C10orf90: variants seen among roughly 807,000 people sequenced by gnomAD.
C10orf90 encodes (E2-independent) E3 ubiquitin-conjugating enzyme FATS.
C10orf90 carries 56 observed loss-of-function variants against 62.5 expected under a neutral mutation model. The observed-to-expected ratio is 0.90, with a 90% CI of 0.72 to 1.12. The LOEUF (loss-of-function observed/expected upper bound fraction) is 1.12. Ranked by LOEUF, C10orf90 falls within the 50% of genes most tolerant of loss-of-function variation. The pLI, the probability that C10orf90 is intolerant of heterozygous loss-of-function variation, is 0.00. For synonymous variants in C10orf90, 386 were observed against 340.4 expected, an observed-to-expected ratio of 1.13 and a Z score of -1.47; for missense variants, 970 against 880.4, an observed-to-expected ratio of 1.10 and a Z score of -1.29.
At chr10:126,583,012 G>A (rs935963719) in intron 2 of C10orf90, among the ~76,000 whole-genome samples, 2 of 152,146 alleles carry the variant, frequency 1.3e-5, no homozygotes, top group Admixed American at 6.5e-5. Flanking sequence ...TTGTTGGGGG[G>A]TGGCTGTGCT....
intron 2 of C10orf90, among the ~76,000 whole-genome samples, chr10:126,594,504 T>G (rs1845045233): frequency 6.6e-6 from 1 of 152,204 alleles, no homozygotes; most frequent in Non-Finnish European, 1.5e-5. Flanking sequence ...ACCTCTGTTC[T>G]AGATGCTACA....
intron 2 of C10orf90, among the ~76,000 whole-genome samples, chr10:126,537,645 T>A (rs1360412136): frequency 6.6e-6 from 1 of 152,218 alleles, no homozygotes; most frequent in Non-Finnish European, 1.5e-5. Context: ...GACAGAAATA[T>A]ACTCTTTGCT....
At chr10:126,662,637 T>A (rs1446297623) in intron 1 of C10orf90, among the ~76,000 whole-genome samples, 1 of 152,156 alleles carries the variant, frequency 6.6e-6, no homozygotes, top group African/African-American at 2.4e-5. Context: ...TCCCCTTCCC[T>A]ATTTGCCTAT....
chr10:126,516,840 G>A (rs569503241), intron 2 of C10orf90, among the ~76,000 whole-genome samples: 1 of 143,472 alleles, frequency 7.0e-6, no homozygotes, highest in Non-Finnish European at 1.5e-5. Flanking sequence ...CACTAGGGAA[G>A]AATTCTCTTC....
intron 4 of C10orf90, among the ~76,000 whole-genome samples, chr10:126,468,617 G>T (rs113335377): frequency 0.016 from 2,474 of 152,254 alleles, 76 homozygotes; most frequent in African/African-American, 0.056. Context: ...GGCTGGTCTG[G>T]ATTTTCTGTT....
intron 4 of C10orf90, among the ~76,000 whole-genome samples, chr10:126,473,943 T>C (rs1860725786): frequency 6.6e-6 from 1 of 152,112 alleles, no homozygotes; most frequent in Admixed American, 6.5e-5. Context: ...ACCCACACGG[T>C]TAGGTTTCAT....
chr10:126,572,180 TAA>T (rs1844520183), intron 2 of C10orf90, among the ~76,000 whole-genome samples: 1 of 152,036 alleles, frequency 6.6e-6, no homozygotes, highest in Admixed American at 6.6e-5. Flanking sequence ...ACCTCCCTGA[TAA>T]AAGAGTTTGC....
intron 2 of C10orf90, among the ~76,000 whole-genome samples, chr10:126,645,588 TAAAA>T (rs779008025): frequency 1.1e-5 from 1 of 93,178 alleles, no homozygotes; most frequent in African/African-American, 4.0e-5. Flanking sequence ...AGACCCTGCC[TAAAA>T]AAAAAAAAAA....
chr10:126,586,168 G>C (rs1844866356), intron 2 of C10orf90, among the ~76,000 whole-genome samples: 1 of 152,204 alleles, frequency 6.6e-6, no homozygotes. Flanking sequence ...AGGGACAGTT[G>C]TGCTACTATA....
intron 3 of C10orf90, among the ~76,000 whole-genome samples, chr10:126,509,522 G>C (rs58527775): frequency 6.6e-6 from 1 of 152,156 alleles, no homozygotes; most frequent in African/African-American, 2.4e-5. Flanking sequence ...TTGAAATTTT[G>C]CTGATAGAAA....
rs535105521 is a variant in C10orf90 at position 126,440,182 on chromosome 10, T to C, written c.2189-10332A>G. On this transcript the variant is annotated intron_variant, in intron 7 of 9. Coordinates refer to ENST00000488181, the MANE Select transcript of C10orf90 (RefSeq NM_001350921.2). ...CAAGTTCTTAGCCCTGCTTGTCCAC[T>C]GCCTGGAAACAGACTTGGTGCTATT... 2.0e-5 allele frequency among the ~76,000 whole-genome samples: 3 copies of C among 152,310 alleles called. No homozygotes were observed. In the South Asian group the frequency reaches 6.2e-4, roughly 32 times the overall value.
chr10:126,630,457 G>A (rs1845830016), intron 2 of C10orf90, among the ~76,000 whole-genome samples: 1 of 152,168 alleles, frequency 6.6e-6, no homozygotes, highest in Non-Finnish European at 1.5e-5. Flanking sequence ...CCTGGGCTTG[G>A]CGATGGTGGG....
At chr10:126,432,988 G>A (rs188733105) in intron 7 of C10orf90, among the ~76,000 whole-genome samples, 1 of 152,282 alleles carries the variant, frequency 6.6e-6, no homozygotes, top group African/African-American at 2.4e-5. Context: ...TGACCACAGT[G>A]GCTCTTCAGA....
intron 2 of C10orf90, among the ~76,000 whole-genome samples, chr10:126,528,372 G>A (rs542740315): frequency 1.4e-4 from 22 of 152,268 alleles, no homozygotes; most frequent in South Asian, 4.2e-4. Context: ...AAGGAGAAGC[G>A]TGTGTGGGAA....
chr10:126,504,175 CT>C lies in C10orf90; in HGVS notation c.1315del (p.Ser439ValfsTer3), dbSNP rs1862569672. ...GQRWNPGLQE[S>X]HLKETPSLRR... ...CAACGATGGGGTTTCCTTCAAGTGA[CT>C]TTCTTGTAAACCTGGGTTCCAGCGC... On this transcript the variant is annotated frameshift_variant, in exon 4 of 10. Transcript: ENST00000488181. LOFTEE classifies it high-confidence loss of function. The surrounding 1 kb of genome is among the most constrained non-coding windows in gnomAD (Gnocchi z 4.1). 1.2e-6 allele frequency: 2 copies of C among 1,614,040 alleles called. No individual in the cohort carries two copies. Among genetic ancestry groups the C allele is most frequent in the Non-Finnish European group, 1.7e-6 (2 of 1,180,036 alleles).
chr10:126,459,275 C>T, intron 6 of C10orf90, 58 bp from the exon 7 acceptor site: 1 of 1,587,874 alleles, frequency 6.3e-7, no homozygotes, highest in Non-Finnish European at 8.6e-7. Flanking sequence ...AAAGGCAACG[C>T]ATCTGTCTGA....
At chr10:126,627,170 T>C (rs1204231055) in intron 2 of C10orf90, among the ~76,000 whole-genome samples, 1 of 151,916 alleles carries the variant, frequency 6.6e-6, no homozygotes, top group Non-Finnish European at 1.5e-5. Context: ...CGGCTAATTT[T>C]TTGTATTTTT....
At chr10:126,565,221 AT>A (rs1419228442) in intron 2 of C10orf90, among the ~76,000 whole-genome samples, 31 of 69,846 alleles carry the variant, frequency 4.4e-4, no homozygotes, top group African/African-American at 1.2e-3. Context: ...TATAATTTTT[AT>A]ATTACATATT....
At chr10:126,659,233 C>T (rs1846457986) in intron 1 of C10orf90, among the ~76,000 whole-genome samples, 1 of 152,202 alleles carries the variant, frequency 6.6e-6, no homozygotes, top group African/African-American at 2.4e-5. Context: ...TATGAGGCAG[C>T]CAACCTAGAG....
Sources: allele counts gnomAD v4.1 joint callset (sites outside exome capture counted in the v4.1 genomes callset), GRCh38; gene constraint gnomAD v4.1.1; non-coding constraint Gnocchi (gnomAD v3.1); transcripts MANE v1.5; gene names NCBI Gene and HGNC (gene_info 2026-07-23, HGNC 2026-07-21).